The following FMN2 variants were observed in gnomAD, a reference collection of about 807,000 sequenced individuals.
The protein encoded by FMN2 is formin-2.
Under a neutral mutation model 142.3 loss-of-function variants are expected in FMN2, and 51 were observed. The observed-to-expected ratio is 0.36, with a 90% CI of 0.29 to 0.45. The LOEUF (loss-of-function observed/expected upper bound fraction) is 0.45. Among genes scored for constraint, FMN2 ranks in the 20% least tolerant of loss-of-function variants. The pLI is 1.00. For synonymous variants in FMN2, 882 were observed against 869.8 expected (o/e 1.01, Z -0.25); for missense variants, 1,936 against 2,122.8 (o/e 0.91, Z 1.73).
At chr1:240,100,923 T>C (rs1378439580) in intron 1 of FMN2, among the ~76,000 whole-genome samples, 1 of 152,204 alleles carries the variant, frequency 6.6e-6, no homozygotes, top group African/African-American at 2.4e-5. Context: ...CAGTTGAGTC[T>C]TTTTTTGTAC....
At chr1:240,466,830 AG>A (rs1572344158) in intron 16 of FMN2, among the ~76,000 whole-genome samples, 2 of 152,124 alleles carry the variant, frequency 1.3e-5, no homozygotes, top group East Asian at 3.9e-4. Context: ...AACCTTCTCT[AG>A]GTGCGACTGT....
intron 2 of FMN2, among the ~76,000 whole-genome samples, chr1:240,146,561 G>A (rs113689873): frequency 0.075 from 11,206 of 150,250 alleles, 561 homozygotes; most frequent in Middle Eastern, 0.12. Context: ...AAAATTAGCC[G>A]GGCGTGGTGG....
intron 14 of FMN2, among the ~76,000 whole-genome samples, chr1:240,356,168 A>G (rs1672266808): frequency 1.3e-5 from 2 of 152,124 alleles, no homozygotes; most frequent in African/African-American, 4.8e-5. Flanking sequence ...CAGTATATAC[A>G]CTAGATATTA....
intron 13 of FMN2, among the ~76,000 whole-genome samples, chr1:240,341,231 G>A (rs78846669): frequency 0.012 from 1,764 of 151,718 alleles, 17 homozygotes; most frequent in South Asian, 0.023. Flanking sequence ...TCTTGTTTTG[G>A]ATATTTATCT....
chr1:240,145,913 A>G (rs965517106), intron 2 of FMN2, among the ~76,000 whole-genome samples: 13 of 152,150 alleles, frequency 8.5e-5, no homozygotes, highest in African/African-American at 3.1e-4. Context: ...AACATTTGAC[A>G]CAATAGCCTG....
rs192235616 is a variant in FMN2 at position 240,324,805 on chromosome 1, T to A, written c.4216-4271T>A. 7.0e-3 allele frequency among the ~76,000 whole-genome samples: 1,056 copies of A among 150,134 alleles called. 11 individuals are homozygous for A. Among genetic ancestry groups the A allele is most frequent in the African/African-American group, 0.025 (1,000 of 40,394 alleles). ...TTAAACCTTGCATCAAAAAAAAAAATTGAAAACAAAACTGTAGCTGTACTA... is the reference window on the plus strand; with the variant it reads ...TTAAACCTTGCATCAAAAAAAAAAAATGAAAACAAAACTGTAGCTGTACTA... On this transcript the variant is annotated intron_variant, in intron 8 of 17. Coordinates refer to ENST00000319653, the MANE Select transcript of FMN2 (RefSeq NM_020066.5).
intron 7 of FMN2, among the ~76,000 whole-genome samples, chr1:240,294,064 G>A (rs958150548): frequency 6.6e-6 from 1 of 152,068 alleles, no homozygotes; most frequent in African/African-American, 2.4e-5. Flanking sequence ...TTCTATCAAG[G>A]CAAATTCACC....
intron 15 of FMN2, among the ~76,000 whole-genome samples, chr1:240,417,936 C>G (rs1055308320): frequency 6.6e-6 from 1 of 152,062 alleles, no homozygotes; most frequent in South Asian, 2.1e-4. Flanking sequence ...ATGGAATGTT[C>G]TTTTTTAATC....
chr1:240,095,645 G>A (rs1661170961), intron 1 of FMN2, among the ~76,000 whole-genome samples: 1 of 151,948 alleles, frequency 6.6e-6, no homozygotes, highest in Admixed American at 6.6e-5. Context: ...TCTGCTTGGT[G>A]GCAAGGGGTG....
At chr1:240,254,760 G>A (rs543534242) in intron 6 of FMN2, among the ~76,000 whole-genome samples, 2 of 152,194 alleles carry the variant, frequency 1.3e-5, no homozygotes, top group Admixed American at 6.5e-5. Context: ...TGTTGCTAGG[G>A]GCAGCAGGGT....
chr1:240,175,507 G>T (rs1426465871), intron 2 of FMN2, among the ~76,000 whole-genome samples: 7 of 152,070 alleles, frequency 4.6e-5, no homozygotes, highest in Admixed American at 1.3e-4. Flanking sequence ...TCTTGTTGTT[G>T]TTGTTTTGGA....
At position 240,274,216 on chromosome 1, in the gene FMN2, GA is replaced by G. The variant is rs541358176; in HGVS notation, c.4153+16187del. Among the ~76,000 whole-genome samples the G allele has an allele frequency of 2.0e-3, 281 of 142,814 alleles. 14 individuals are homozygous for G. In the South Asian group the frequency reaches 0.059, roughly 30 times the overall value. The allele number at this position is 142,814 out of a possible 152,430, so 93.7% of individuals were successfully genotyped here. ...AACAATTTTAATATGTACCATGGGG[GA>G]AACGAAAAAAAAAAAAAAAGAGAGA... On this transcript the variant is annotated intron_variant, in intron 7 of 17. Transcript: ENST00000319653.
intron 14 of FMN2, 43 bp from the exon 15 acceptor site, chr1:240,392,468 C>T (rs1391320206): frequency 2.6e-6 from 4 of 1,554,230 alleles, no homozygotes; most frequent in Non-Finnish European, 1.8e-6. Context: ...AGTGTAACAA[C>T]TTATCATTTA....
chr1:240,462,059 CTG>C (rs944850325), intron 16 of FMN2, among the ~76,000 whole-genome samples: 1 of 152,156 alleles, frequency 6.6e-6, no homozygotes, highest in African/African-American at 2.4e-5. Flanking sequence ...AGGAACATAA[CTG>C]TATATAAAGT....
intron 4 of FMN2, among the ~76,000 whole-genome samples, chr1:240,193,357 A>G (rs927702572): frequency 6.6e-6 from 1 of 152,210 alleles, no homozygotes; most frequent in African/African-American, 2.4e-5. Context: ...CAGTTAGAAG[A>G]ACATACCTCT....
Position 240,152,020 on chromosome 1 carries a change from G to T in FMN2, c.1783-25901G>T, listed in dbSNP as rs144967920. On this transcript the variant is annotated intron_variant, in intron 2 of 17. Transcript: ENST00000319653. ...GGGCTCAAGCAATCCTCCTGCTTCAGCTGGCCTCCCAAAGTGCTGGGATTA... is the reference window on the plus strand; with the variant it reads ...GGGCTCAAGCAATCCTCCTGCTTCATCTGGCCTCCCAAAGTGCTGGGATTA... 2.9e-3 allele frequency among the ~76,000 whole-genome samples: 435 copies of T among 152,164 alleles called. 1 individual carries two copies. Among genetic ancestry groups the T allele is most frequent in the African/African-American group, 0.01 (423 of 41,524 alleles).
At chr1:240,390,716 A>G (rs1673578241) in intron 14 of FMN2, among the ~76,000 whole-genome samples, 1 of 152,242 alleles carries the variant, frequency 6.6e-6, no homozygotes, top group South Asian at 2.1e-4. Flanking sequence ...TGTACATGTT[A>G]ACAGATGAAT....
chr1:240,442,830 T>C (rs1558109685), intron 16 of FMN2, among the ~76,000 whole-genome samples: 1 of 152,248 alleles, frequency 6.6e-6, no homozygotes, highest in Non-Finnish European at 1.5e-5. Context: ...TCTGTCTTTC[T>C]AGTCAATGTG....
intron 16 of FMN2, among the ~76,000 whole-genome samples, chr1:240,444,743 T>G (rs2883925): frequency 0.22 from 33,779 of 152,030 alleles, 4,693 homozygotes; most frequent in African/African-American, 0.39. Context: ...TAACATTTCT[T>G]TTTCCGTAAT....
Sources: gnomAD v4.1 joint callset for allele counts (sites outside exome capture counted in the v4.1 genomes callset) on GRCh38, gnomAD v4.1.1 for gene constraint, MANE v1.5 for transcripts, NCBI Gene and HGNC (gene_info 2026-07-23, HGNC 2026-07-21) for gene names.